Variants in ELSPBP1 observed in about 807,000 individuals in gnomAD.
ELSPBP1 encodes the protein epididymal sperm-binding protein 1.
A neutral mutation model predicts 33.3 loss-of-function variants in ELSPBP1; 38 were observed. The observed-to-expected ratio is 1.14, with a 90% confidence interval of 0.88 to 1.50. The LOEUF (loss-of-function observed/expected upper bound fraction) is 1.50. ELSPBP1 is among the 40% of genes most tolerant of loss of function. The pLI is 0.00. For missense variants in ELSPBP1, 267 were observed against 263.5 expected (o/e 1.01, Z -0.09); for synonymous variants, 85 against 94.1 (o/e 0.90, Z 0.56).
At chr19:48,007,065 T>C (rs988520022) in intron 1 of ELSPBP1, among the ~76,000 whole-genome samples, 5 of 152,264 alleles carry the variant, frequency 3.3e-5, no homozygotes, top group African/African-American at 9.6e-5. Context: ...TTGCTAAAAG[T>C]TGGTTCCATC....
intron 1 of ELSPBP1, among the ~76,000 whole-genome samples, chr19:48,004,033 T>C (rs1226564830): frequency 6.6e-6 from 1 of 151,192 alleles, no homozygotes; most frequent in Non-Finnish European, 1.5e-5. Flanking sequence ...AACCTCTGCC[T>C]CCTGGGTTCA....
At chr19:48,016,568 C>T (rs11667541) in intron 4 of ELSPBP1, among the ~76,000 whole-genome samples, 13,982 of 50,140 alleles carry the variant, frequency 0.28, 1,334 homozygotes, top group East Asian at 0.5. Flanking sequence ...TCCTTCCTTC[C>T]TCCCTTCATC....
chr19:48,003,886 CTTCTATTCTA>C (rs56297495), intron 1 of ELSPBP1, among the ~76,000 whole-genome samples: 24,623 of 113,976 alleles, frequency 0.22, 3,004 homozygotes, highest in East Asian at 0.25. Flanking sequence ...CTTCTGGTTG[CTTCTATTCTA>C]TTCTATTCTA....
At chr19:47,999,480 C>G (rs2122288982) in intron 1 of ELSPBP1, among the ~76,000 whole-genome samples, 1 of 147,680 alleles carries the variant, frequency 6.8e-6, no homozygotes, top group African/African-American at 2.5e-5. Context: ...CCTCCACTTC[C>G]TGGCTTCAAA....
At chr19:48,005,733 A>G (rs1362846763) in intron 1 of ELSPBP1, among the ~76,000 whole-genome samples, 1 of 152,170 alleles carries the variant, frequency 6.6e-6, no homozygotes, top group Non-Finnish European at 1.5e-5. Flanking sequence ...GCAGCATCGT[A>G]CATTGGTTAA....
At chr19:48,009,716 T>C in intron 2 of ELSPBP1, among the ~76,000 whole-genome samples, 1 of 152,152 alleles carries the variant, frequency 6.6e-6, no homozygotes, top group East Asian at 1.9e-4. Context: ...AAAAAGTGTG[T>C]ATTTATGAGG....
intron 4 of ELSPBP1, among the ~76,000 whole-genome samples, chr19:48,016,550 TCCTTCCTTCCTTCCTTCCTC>T (rs774823777): frequency 0.084 from 11,450 of 136,282 alleles, 661 homozygotes; most frequent in South Asian, 0.17. Context: ...CTTCCTTCCT[TCCTTCCTTCCTTCCTTCCTC>T]CCTTCATCTC....
chr19:48,018,628 C>A (rs922834097), intron 4 of ELSPBP1, among the ~76,000 whole-genome samples: 3 of 152,050 alleles, frequency 2.0e-5, no homozygotes, highest in Non-Finnish European at 2.9e-5. Context: ...GATTATTAGC[C>A]CAGTTTTACA....
At chr19:47,994,913 T>C (rs1366553574) in intron 1 of ELSPBP1, 102 bp downstream of exon 1, 1 of 152,178 alleles carries the variant, frequency 6.6e-6, no homozygotes, top group African/African-American at 2.4e-5. Flanking sequence ...ACTAGAAATA[T>C]AATACGAGCC....
intron 6 of ELSPBP1, among the ~76,000 whole-genome samples, chr19:48,023,221 G>A: frequency 7.4e-6 from 1 of 136,052 alleles, no homozygotes; most frequent in Non-Finnish European, 1.6e-5. Flanking sequence ...GGGAAGGAAG[G>A]AGGGAGGGAA....
intron 1 of ELSPBP1, among the ~76,000 whole-genome samples, chr19:48,005,544 C>T (rs186978938): frequency 6.6e-6 from 1 of 152,250 alleles, no homozygotes; most frequent in East Asian, 1.9e-4. Context: ...TGGGCTGTAT[C>T]TCAACAGCCA....
At position 48,019,753 on chromosome 19, in the gene ELSPBP1, C is replaced by G. The variant is rs1332988206; in HGVS notation, c.390C>G (p.Ile130Met). Residue 130 changes from isoleucine (I) to methionine (M), a missense_variant, in exon 5 of 7, where the codon ATC (isoleucine) becomes ATG (methionine). Transcript: ENST00000339841. ...GAAATTCTCTCAGGAAGCCCTGCAT[C>G]TTCCCCTCCATCTACAGAAATAATG... ...YGGNSLRKPC[I>M]FPSIYRNNVV... 6.2e-7 allele frequency: 1 copy of G among 1,614,120 alleles called. No individual in the cohort carries two copies.
Position 48,014,272 on chromosome 19 carries a change from G to A in ELSPBP1, c.172G>A (p.Val58Met), listed in dbSNP as rs145096514. 100 of 1,613,932 alleles carry A rather than the reference G, an allele frequency of 6.2e-5. No homozygotes were observed. The highest frequency in any genetic ancestry group is 3.1e-4 in the East Asian group (14 of 44,868). The part of the protein sequence containing the change: ...SLSPWCATRA[V>M]YNGQWKYCQS... ...ATCCCCTTGGTGTGCCACCAGAGCCGTGTACAACGGCCAGTGGAAGTACTG... is the reference window on the plus strand; with the variant it reads ...ATCCCCTTGGTGTGCCACCAGAGCCATGTACAACGGCCAGTGGAAGTACTG... The change falls in exon 3 of 7, where the codon GTG becomes ATG. Residue 58 changes from valine to methionine, a missense_variant. By Grantham distance (21) the Val-to-Met change is conservative. Transcript: ENST00000339841.
Position 48,019,750 on chromosome 19 carries a change from C to A in ELSPBP1, c.387C>A (p.Cys129Ter). 6.2e-7 allele frequency: 1 copy of A among 1,614,032 alleles called. No homozygotes were observed. Among genetic ancestry groups the A allele is most frequent in the Non-Finnish European group, 8.5e-7 (1 of 1,179,940 alleles). Residue 129 changes from cysteine to a stop codon, truncating the protein, a stop_gained, in exon 5 of 7, where the codon TGC becomes TGA. Coordinates refer to ENST00000339841, the MANE Select transcript of ELSPBP1 (RefSeq NM_022142.5). LOFTEE classifies it high-confidence loss of function. The part of the protein sequence containing the change: ...EYGGNSLRKP[C>*]IFPSIYRNNV... ...GGGGAAATTCTCTCAGGAAGCCCTG[C>A]ATCTTCCCCTCCATCTACAGAAATA...
At chr19:48,009,537 T>C (rs1967056637) in intron 2 of ELSPBP1, among the ~76,000 whole-genome samples, 1 of 152,200 alleles carries the variant, frequency 6.6e-6, no homozygotes, top group South Asian at 2.1e-4. Context: ...GAGTCATTCT[T>C]CACAATTAGA....
intron 1 of ELSPBP1, among the ~76,000 whole-genome samples, chr19:48,001,192 C>G (rs1404460374): frequency 7.0e-6 from 1 of 141,872 alleles, no homozygotes; most frequent in Non-Finnish European, 1.5e-5. Flanking sequence ...TTTTTTTTGA[C>G]ACAGAGTCTC....
chr19:47,999,005 T>C (rs1227081451), intron 1 of ELSPBP1, among the ~76,000 whole-genome samples: 1 of 152,108 alleles, frequency 6.6e-6, no homozygotes, highest in Non-Finnish European at 1.5e-5. Context: ...CGTCAGAACA[T>C]GTCACATTGT....
intron 2 of ELSPBP1, among the ~76,000 whole-genome samples, chr19:48,013,623 A>C (rs1336785910): frequency 6.6e-6 from 1 of 152,096 alleles, no homozygotes; most frequent in Non-Finnish European, 1.5e-5. Flanking sequence ...AGGCTGAGGC[A>C]GGAGAATCTC....
intron 2 of ELSPBP1, among the ~76,000 whole-genome samples, chr19:48,013,243 G>A (rs1967095884): frequency 6.6e-6 from 1 of 152,162 alleles, no homozygotes; most frequent in African/African-American, 2.4e-5. Context: ...AGAAACAGTG[G>A]TCTCAAGGAA....
Sources: gnomAD v4.1 joint callset for allele counts (sites outside exome capture counted in the v4.1 genomes callset) on GRCh38, gnomAD v4.1.1 for gene constraint, MANE v1.5 for transcripts, NCBI Gene and HGNC (gene_info 2026-07-23, HGNC 2026-07-21) for gene names.